Variants in EFNA5 observed in about 807,000 individuals in gnomAD.
EFNA5 encodes ephrin-A5.
Under a neutral mutation model 22.9 loss-of-function variants are expected in EFNA5, and 5 were observed. The observed-to-expected ratio is 0.22, with a 90% confidence interval of 0.11 to 0.46. The LOEUF (loss-of-function observed/expected upper bound fraction) is 0.46. EFNA5 is among the 20% of genes least tolerant of loss of function. The pLI is 0.99. For synonymous variants in EFNA5, 113 were observed against 112.2 expected, an observed-to-expected ratio of 1.01 and a Z score of -0.04; for missense variants, 237 against 293.3, an observed-to-expected ratio of 0.81 and a Z score of 1.40.
chr5:107,547,991 T>C (rs1353691120), intron 1 of EFNA5, among the ~76,000 whole-genome samples: 1 of 152,164 alleles, frequency 6.6e-6, no homozygotes, highest in Non-Finnish European at 1.5e-5. Context: ...CCTAAGAAGG[T>C]CTATATAAAA....
chr5:107,623,648 G>A (rs1049479700), intron 1 of EFNA5, among the ~76,000 whole-genome samples: 2 of 148,290 alleles, frequency 1.3e-5, no homozygotes, highest in African/African-American at 5.0e-5. Context: ...ATAATTTATT[G>A]TTTGTAATTT....
At chr5:107,622,487 G>A (rs958619764) in intron 1 of EFNA5, among the ~76,000 whole-genome samples, 5 of 152,074 alleles carry the variant, frequency 3.3e-5, no homozygotes, top group Non-Finnish European at 7.4e-5. Flanking sequence ...ATATTATTTA[G>A]TATCTTATTC....
intron 1 of EFNA5, among the ~76,000 whole-genome samples, chr5:107,479,030 G>T (rs11949501): frequency 1.6e-4 from 25 of 152,006 alleles, no homozygotes; most frequent in African/African-American, 6.0e-4. Flanking sequence ...TTTTAATTTA[G>T]ATTAAAAAAT....
At chr5:107,566,615 G>A (rs1440754836) in intron 1 of EFNA5, among the ~76,000 whole-genome samples, 2 of 152,102 alleles carry the variant, frequency 1.3e-5, no homozygotes, top group Non-Finnish European at 2.9e-5. Context: ...ATCTTCACAA[G>A]AGGGAGCACC....
intron 1 of EFNA5, among the ~76,000 whole-genome samples, chr5:107,440,417 G>C (rs152602): frequency 0.38 from 57,683 of 151,984 alleles, 11,265 homozygotes; most frequent in East Asian, 0.53. Context: ...TAGTTCAAAG[G>C]GAGTGCACAT....
intron 1 of EFNA5, among the ~76,000 whole-genome samples, chr5:107,577,600 G>A (rs1003180146): frequency 1.3e-5 from 2 of 152,158 alleles, no homozygotes; most frequent in Non-Finnish European, 2.9e-5. Context: ...TTACCCCTTC[G>A]TGTTTTGGGA....
chr5:107,433,366 C>T (rs115869986), intron 1 of EFNA5, among the ~76,000 whole-genome samples: 1,671 of 152,274 alleles, frequency 0.011, 17 homozygotes, highest in Middle Eastern at 0.024. Flanking sequence ...GCAATCATCT[C>T]AAATACCAAA....
At chr5:107,510,370 ACT>A (rs1315409748) in intron 1 of EFNA5, among the ~76,000 whole-genome samples, 1 of 151,728 alleles carries the variant, frequency 6.6e-6, no homozygotes, top group African/African-American at 2.4e-5. Context: ...TAAATAATCC[ACT>A]CTCTGTTTAG....
At chr5:107,646,031 C>A (rs1031667194) in intron 1 of EFNA5, among the ~76,000 whole-genome samples, 5 of 152,178 alleles carry the variant, frequency 3.3e-5, no homozygotes, top group Non-Finnish European at 5.9e-5. Flanking sequence ...TTAGCTCTGG[C>A]TTCCAATTAA....
intron 1 of EFNA5, among the ~76,000 whole-genome samples, chr5:107,536,591 C>T (rs988737787): frequency 6.6e-6 from 1 of 152,106 alleles, no homozygotes; most frequent in African/African-American, 2.4e-5. Flanking sequence ...CAACATACCA[C>T]CCTTAAAATA....
intron 1 of EFNA5, among the ~76,000 whole-genome samples, chr5:107,645,328 T>C (rs1185994145): frequency 3.3e-5 from 5 of 152,360 alleles, no homozygotes; most frequent in African/African-American, 1.2e-4. Context: ...CACTAAACTG[T>C]TCACCTGTAT....
intron 1 of EFNA5, among the ~76,000 whole-genome samples, chr5:107,464,546 CCTT>C (rs1197126428): frequency 3.3e-5 from 5 of 152,180 alleles, no homozygotes; most frequent in African/African-American, 1.2e-4. Context: ...CAGACCTTCT[CCTT>C]CTCTGCTGCA....
At chr5:107,558,576 T>A (rs1748471842) in intron 1 of EFNA5, among the ~76,000 whole-genome samples, 1 of 152,184 alleles carries the variant, frequency 6.6e-6, no homozygotes, top group South Asian at 2.1e-4. Flanking sequence ...TATTAGAGGT[T>A]TAGATTTGAA....
intron 1 of EFNA5, among the ~76,000 whole-genome samples, chr5:107,470,952 T>A (rs937526652): frequency 2.6e-5 from 4 of 152,166 alleles, no homozygotes; most frequent in African/African-American, 9.7e-5. Context: ...ATCTACTAAG[T>A]TCTGATGATT....
intron 2 of EFNA5, among the ~76,000 whole-genome samples, chr5:107,403,893 GAAC>G (rs1748148564): frequency 6.6e-6 from 1 of 152,104 alleles, no homozygotes; most frequent in South Asian, 2.1e-4. Context: ...CCTTAATATG[GAAC>G]AACAATCAAG....
chr5:107,410,601 T>G (rs1748342354), intron 2 of EFNA5, among the ~76,000 whole-genome samples: 1 of 152,198 alleles, frequency 6.6e-6, no homozygotes, highest in African/African-American at 2.4e-5. Context: ...GCACTGTATA[T>G]TGCACCACTC....
chr5:107,661,059 G>A (rs1354170621), intron 1 of EFNA5, among the ~76,000 whole-genome samples: 1 of 150,734 alleles, frequency 6.6e-6, no homozygotes, highest in African/African-American at 2.4e-5. Flanking sequence ...CGAGATTGCA[G>A]AGCAGAGGCT....
At chr5:107,493,536 A>G (rs1746873218) in intron 1 of EFNA5, among the ~76,000 whole-genome samples, 1 of 152,234 alleles carries the variant, frequency 6.6e-6, no homozygotes, top group Non-Finnish European at 1.5e-5. Context: ...TTACCAAGAA[A>G]AAACAAAAAC....
intron 2 of EFNA5, among the ~76,000 whole-genome samples, chr5:107,400,682 A>C (rs1201561449): frequency 2.0e-5 from 3 of 152,250 alleles, no homozygotes; most frequent in Non-Finnish European, 4.4e-5. Flanking sequence ...TAAGCGAATG[A>C]ACAGAAAACT....
Sources: gnomAD v4.1 joint callset for allele counts (sites outside exome capture counted in the v4.1 genomes callset) on GRCh38, gnomAD v4.1.1 for gene constraint, MANE v1.5 for transcripts, NCBI Gene and HGNC (gene_info 2026-07-23, HGNC 2026-07-21) for gene names.